The following CSMD1 variants were observed in gnomAD, a reference collection of about 807,000 sequenced individuals.
CSMD1 encodes the protein CUB and sushi domain-containing protein 1.
CSMD1 carries 213 observed loss-of-function variants against 417.5 expected under a neutral mutation model. The observed-to-expected ratio is 0.51, with a 90% CI of 0.46 to 0.57. CSMD1 has a LOEUF of 0.57. CSMD1 is among the 20% of genes least tolerant of loss of function. CSMD1 has a pLI of 0.00. For synonymous variants in CSMD1, 2,862 were observed against 1,736.8 expected (o/e 1.65, Z -16.11); for missense variants, 6,923 against 4,529.7 (o/e 1.53, Z -15.17).
At chr8:3,844,829 T>G (rs1028828091) in intron 5 of CSMD1, among the ~76,000 whole-genome samples, 1 of 152,210 alleles carries the variant, frequency 6.6e-6, no homozygotes, top group Non-Finnish European at 1.5e-5. Context: ...TTGTTTTTGT[T>G]TTTGTCTTTT....
intron 2 of CSMD1, among the ~76,000 whole-genome samples, chr8:4,466,754 T>C (rs1039289898): frequency 2.0e-5 from 3 of 152,104 alleles, no homozygotes; most frequent in African/African-American, 7.2e-5. Flanking sequence ...AATACTATAT[T>C]TATCAAATTA....
At chr8:3,695,755 G>A (rs1053672450) in intron 7 of CSMD1, among the ~76,000 whole-genome samples, 65 of 152,144 alleles carry the variant, frequency 4.3e-4, no homozygotes, top group African/African-American at 1.5e-3. Context: ...ACCCTAGTCT[G>A]AGCATATTCA....
intron 3 of CSMD1, among the ~76,000 whole-genome samples, chr8:4,156,236 ATCTT>A (rs1796827429): frequency 6.6e-6 from 1 of 152,104 alleles, no homozygotes; most frequent in Non-Finnish European, 1.5e-5. Context: ...TGGTAGCAAA[ATCTT>A]TCTTTTTACT....
chr8:4,199,167 C>T (rs893915230), intron 3 of CSMD1, among the ~76,000 whole-genome samples: 3 of 152,116 alleles, frequency 2.0e-5, no homozygotes, highest in Middle Eastern at 3.2e-3. Flanking sequence ...CAGCACAGCA[C>T]TGGGGATGAT....
At chr8:3,029,073 G>A (rs1275832314) in intron 51 of CSMD1, among the ~76,000 whole-genome samples, 1 of 152,076 alleles carries the variant, frequency 6.6e-6, no homozygotes, top group Non-Finnish European at 1.5e-5. Flanking sequence ...TTGAAATACA[G>A]TTGGAGAAAT....
chr8:3,179,093 C>CG, intron 37 of CSMD1, among the ~76,000 whole-genome samples: 1 of 150,664 alleles, frequency 6.6e-6, no homozygotes, highest in South Asian at 2.2e-4. Flanking sequence ...GACTACAGGC[C>CG]CGCCACCACG....
intron 10 of CSMD1, among the ~76,000 whole-genome samples, chr8:3,530,184 T>G (rs577117419): frequency 6.6e-6 from 1 of 152,332 alleles, no homozygotes; most frequent in African/African-American, 2.4e-5. Flanking sequence ...CAATCTTTAT[T>G]AATTCCTTCT....
intron 3 of CSMD1, among the ~76,000 whole-genome samples, chr8:4,182,043 TC>T (rs56802703): frequency 0.16 from 10,819 of 67,634 alleles, 500 homozygotes; most frequent in South Asian, 0.27. Flanking sequence ...TGTGTGTGTG[TC>T]GGTGTGTGTG....
chr8:4,810,632 G>C (rs1798843667), intron 1 of CSMD1, among the ~76,000 whole-genome samples: 1 of 152,170 alleles, frequency 6.6e-6, no homozygotes, highest in African/African-American at 2.4e-5. Flanking sequence ...AAAATATGCA[G>C]ATAATATGAT....
chr8:4,052,806 C>T lies in CSMD1; in HGVS notation c.416-20707G>A, dbSNP rs144202031. 3.1e-3 allele frequency among the ~76,000 whole-genome samples: 478 copies of T among 152,248 alleles called. 2 individuals are homozygous for T. The highest frequency in any genetic ancestry group is 0.011 in the African/African-American group (459 of 41,552). ...ATCCTGGAACCCACTTCCAGATACT[C>T]TAACTGTGCAGATTTGGGGCAGGGC... On this transcript the variant is annotated intron_variant, in intron 3 of 69. Coordinates refer to ENST00000635120, the MANE Select transcript of CSMD1 (RefSeq NM_033225.6).
At chr8:4,231,710 T>G (rs1431485814) in intron 3 of CSMD1, among the ~76,000 whole-genome samples, 1 of 152,190 alleles carries the variant, frequency 6.6e-6, no homozygotes, top group Non-Finnish European at 1.5e-5. Context: ...AGCCAAGTCT[T>G]AAGAATGTGA....
chr8:3,270,376 A>G (rs533693653), intron 26 of CSMD1, among the ~76,000 whole-genome samples: 1 of 152,218 alleles, frequency 6.6e-6, no homozygotes, highest in African/African-American at 2.4e-5. Flanking sequence ...CTTACTAGAC[A>G]GTTGTTGCTG....
intron 10 of CSMD1, among the ~76,000 whole-genome samples, chr8:3,503,647 C>A (rs1267445832): frequency 6.6e-6 from 1 of 152,144 alleles, no homozygotes; most frequent in Non-Finnish European, 1.5e-5. Context: ...TTTGTGCTGC[C>A]CTGCTACAGA....
chr8:4,610,022 G>C (rs1801079994), intron 2 of CSMD1, among the ~76,000 whole-genome samples: 1 of 150,264 alleles, frequency 6.7e-6, no homozygotes, highest in South Asian at 2.1e-4. Context: ...TTGTGTCAGG[G>C]TTCAGGAAAA....
intron 2 of CSMD1, among the ~76,000 whole-genome samples, chr8:4,560,477 C>A (rs183512551): frequency 6.6e-6 from 1 of 152,262 alleles, no homozygotes; most frequent in East Asian, 1.9e-4. Context: ...ATTTTAGTAA[C>A]CTATAACTGA....
rs368622498 is a variant in CSMD1 at position 4,563,658 on chromosome 8, A to G, written c.302+73684T>C. Among the ~76,000 whole-genome samples, 123 of 152,326 alleles carry G rather than the reference A, an allele frequency of 8.1e-4. No individual in the cohort carries two copies. The South Asian group carries it at 0.01, about 13-fold the overall frequency. ...AAAACATAAAACCTAAAAGTGATGT[A>G]AAACTTTACACATTACAAAATTTAA... is the stretch of plus-strand genomic sequence containing the variant. On this transcript the variant is annotated intron_variant, in intron 2 of 69. Transcript: ENST00000635120.
chr8:4,214,625 A>G (rs2128804032), intron 3 of CSMD1, among the ~76,000 whole-genome samples: 1 of 152,188 alleles, frequency 6.6e-6, no homozygotes, highest in East Asian at 1.9e-4. Context: ...GAACAGAAAC[A>G]CTGAGTATGT....
At chr8:4,564,580 T>C (rs974255902) in intron 2 of CSMD1, among the ~76,000 whole-genome samples, 3 of 152,166 alleles carry the variant, frequency 2.0e-5, no homozygotes, top group Non-Finnish European at 4.4e-5. Flanking sequence ...TGATAATCAA[T>C]ACAGAGAAAA....
At chr8:3,408,441 C>T (rs1367903954) in intron 13 of CSMD1, among the ~76,000 whole-genome samples, 1 of 151,194 alleles carries the variant, frequency 6.6e-6, no homozygotes, top group Non-Finnish European at 1.5e-5. Flanking sequence ...CAACCAGAAC[C>T]TATACATAAT....
Sources: allele counts gnomAD v4.1 joint callset (sites outside exome capture counted in the v4.1 genomes callset), GRCh38; gene constraint gnomAD v4.1.1; transcripts MANE v1.5; gene names NCBI Gene and HGNC (gene_info 2026-07-23, HGNC 2026-07-21).